The following MRPS5 variants were observed in gnomAD, a reference collection of about 807,000 sequenced individuals.
MRPS5 encodes the protein mitochondrial ribosomal protein S5, also known as small ribosomal subunit protein uS5m.
A neutral mutation model predicts 51.9 loss-of-function variants in MRPS5; 27 were observed. The ratio of observed to expected loss-of-function variants is 0.52; its 90% CI spans 0.38 to 0.72. MRPS5 has a LOEUF of 0.72. Ranked by LOEUF, MRPS5 falls within the 30% of genes least tolerant of loss-of-function variation. MRPS5 has a pLI of 0.00. For synonymous variants in MRPS5, 196 were observed against 193.2 expected (o/e 1.01, Z -0.12); for missense variants, 570 against 545.7 (o/e 1.04, Z -0.44).
intron 5 of MRPS5, among the ~76,000 whole-genome samples, chr2:95,107,083 T>C (rs1306688958): frequency 6.6e-6 from 1 of 152,188 alleles, no homozygotes; most frequent in Non-Finnish European, 1.5e-5. Flanking sequence ...TCAAAATATT[T>C]TTATCACAGA....
chr2:95,101,008 G>A lies in MRPS5; in HGVS notation c.811-114C>T. 5 of 847,684 alleles carry A rather than the reference G, an allele frequency of 5.9e-6. No individual in the cohort carries two copies. The South Asian group carries it at 8.4e-5, about 14-fold the overall frequency. 52.5% of individuals were successfully genotyped at this position (847,684 alleles called of 1,614,324 possible). A position where few individuals can be genotyped will look rare whatever the true frequency, so the allele number is the denominator to read the frequency against. ...TATCAAAAATTCACTTACGCAAAAA[G>A]GTTAGTATATACTTCTAAAATATAA... On this transcript the variant is annotated intron_variant, in intron 8 of 11. Transcript: ENST00000272418.
chr2:95,115,429 C>G (rs1333061616), intron 2 of MRPS5, among the ~76,000 whole-genome samples: 1 of 152,178 alleles, frequency 6.6e-6, no homozygotes, highest in African/African-American at 2.4e-5. Context: ...ACGGGGGCAG[C>G]TGGGTAAAGA....
At chr2:95,117,186 G>A (rs1676310194) in intron 2 of MRPS5, among the ~76,000 whole-genome samples, 1 of 151,514 alleles carries the variant, frequency 6.6e-6, no homozygotes, top group South Asian at 2.1e-4. Context: ...CCTCAAGGAG[G>A]GTTTTGTTTC....
chr2:95,100,203 T>A lies in MRPS5; in HGVS notation c.931+271A>T, dbSNP rs75731565. On this transcript the variant is annotated intron_variant, in intron 10 of 11. Transcript: ENST00000272418. ...CTAATGTTCCCACTCCTCCAAACCC[T>A]ACTACTCACTCAGGTGCTATTTCCC... Among the ~76,000 whole-genome samples, 295 of 152,318 alleles carry A rather than the reference T, an allele frequency of 1.9e-3. 3 individuals are homozygous for A. Among genetic ancestry groups the A allele is most frequent in the African/African-American group, 6.9e-3 (288 of 41,572 alleles).
At chr2:95,096,899 G>A (rs1483919776) in intron 10 of MRPS5, among the ~76,000 whole-genome samples, 2 of 152,166 alleles carry the variant, frequency 1.3e-5, no homozygotes, top group Non-Finnish European at 1.5e-5. Flanking sequence ...AAGTCAAATT[G>A]TCCCTGTTTG....
At position 95,121,786 on chromosome 2, in the gene MRPS5, C is replaced by CGCCATGCTGGAGTCCGA; in HGVS notation, c.-12_5dup (p.Thr3ArgfsTer33). 6.5e-7 allele frequency: 1 copy of CGCCATGCTGGAGTCCGA among 1,549,634 alleles called. No individual in the cohort carries two copies. Among genetic ancestry groups the CGCCATGCTGGAGTCCGA allele is most frequent in the Non-Finnish European group, 8.6e-7 (1 of 1,157,024 alleles). ...GGCAGCCCACAGCGCGCACCGCGGTCGCCATGCTGGAGTCCGAGCCGCGCC... is the reference window on the plus strand; with the variant it reads ...GGCAGCCCACAGCGCGCACCGCGGTCGCCATGCTGGAGTCCGAGCCATGCTGGAGTCCGAGCCGCGCC... On this transcript the variant is annotated frameshift_variant, in exon 1 of 12. Coordinates refer to ENST00000272418, the MANE Select transcript of MRPS5 (RefSeq NM_031902.5). LOFTEE classifies it high-confidence loss of function.
At chr2:95,090,556 A>G in intron 10 of MRPS5, 34 bp from the exon 11 acceptor site, 1 of 1,612,618 alleles carries the variant, frequency 6.2e-7, no homozygotes, top group Non-Finnish European at 8.5e-7. Context: ...AACACAGCCC[A>G]CTCGCCTGCA....
intron 10 of MRPS5, among the ~76,000 whole-genome samples, chr2:95,094,974 A>T (rs1273783576): frequency 1.3e-5 from 2 of 152,258 alleles, no homozygotes; most frequent in African/African-American, 4.8e-5. Flanking sequence ...TGCTGTATTC[A>T]GGAGACCCAT....
intron 3 of MRPS5, among the ~76,000 whole-genome samples, chr2:95,110,788 C>T (rs1244062113): frequency 6.6e-6 from 1 of 152,076 alleles, no homozygotes; most frequent in Non-Finnish European, 1.5e-5. Context: ...GAGTGAGACC[C>T]TGCCTTCAAA....
intron 10 of MRPS5, among the ~76,000 whole-genome samples, chr2:95,096,612 G>C (rs1257756421): frequency 1.3e-5 from 2 of 152,126 alleles, no homozygotes; most frequent in Admixed American, 1.3e-4. Context: ...AATAGATGCA[G>C]AAAAGGCCTT....
intron 6 of MRPS5, among the ~76,000 whole-genome samples, chr2:95,105,854 G>T (rs1675933546): frequency 6.6e-6 from 1 of 152,160 alleles, no homozygotes; most frequent in African/African-American, 2.4e-5. Flanking sequence ...CTCAATAAAT[G>T]GTTATTCCAC....
intron 4 of MRPS5, among the ~76,000 whole-genome samples, chr2:95,108,878 TAAAAAAGAAG>T (rs1676033269): frequency 6.6e-6 from 1 of 152,046 alleles, no homozygotes; most frequent in Non-Finnish European, 1.5e-5. Flanking sequence ...AAATTTTTTT[TAAAAAAGAAG>T]ATATCTATTT....
chr2:95,098,926 T>A (rs866984997), intron 10 of MRPS5, among the ~76,000 whole-genome samples: 1,961 of 149,000 alleles, frequency 0.013, 21 homozygotes, highest in East Asian at 0.02. Flanking sequence ...TTATTATTTT[T>A]TTTTTTTTTT....
chr2:95,105,635 T>A (rs1274444644), intron 6 of MRPS5, among the ~76,000 whole-genome samples: 1 of 152,006 alleles, frequency 6.6e-6, no homozygotes, highest in Non-Finnish European at 1.5e-5. Context: ...CTCTTCCCCA[T>A]AAAATGGGGT....
At chr2:95,097,279 G>C (rs1418325879) in intron 10 of MRPS5, among the ~76,000 whole-genome samples, 1 of 152,190 alleles carries the variant, frequency 6.6e-6, no homozygotes, top group Non-Finnish European at 1.5e-5. Context: ...GTAATTTACA[G>C]ATTCAATGCC....
In MRPS5 at chr2:95,115,143, A is replaced by C; in HGVS notation, c.200T>G (p.Leu67Arg). ...THPYASLSRA[L>R]QTQCCISSPS... ...AGAAGAAATACAGCATTGTGTCTGC[A>C]GTGCACGGCTCAAGCTGGCGTAGGG... The change falls in exon 3 of 12, where the codon CTG becomes CGG. Residue 67 changes from leucine to arginine, a missense_variant. By Grantham distance (102) the Leu-to-Arg change is moderately radical. Coordinates refer to ENST00000272418, the MANE Select transcript of MRPS5 (RefSeq NM_031902.5). The C allele has an allele frequency of 6.2e-7, 1 of 1,613,198 alleles. No homozygotes were observed. The highest frequency in any genetic ancestry group is 2.2e-5 in the East Asian group (1 of 44,866).
At chr2:95,092,415 C>G (rs945627381) in intron 10 of MRPS5, 1 of 152,202 alleles carries the variant, frequency 6.6e-6, no homozygotes, top group East Asian at 1.9e-4. Context: ...GGTGCCTTTC[C>G]TTAATCCAGT....
rs200730619 is a variant in MRPS5, at chr2:95,108,402, T to C, written c.410A>G (p.Tyr137Cys). 1.3e-4 allele frequency: 203 copies of C among 1,613,156 alleles called. 2 individuals are homozygous for C. The East Asian group carries it at 3.4e-3, about 27-fold the overall frequency. Residue 137 changes from tyrosine (Y) to cysteine (C), a missense_variant, in exon 5 of 12, where the codon TAT (tyrosine) becomes TGT (cysteine). Physicochemically the swap from Tyr to Cys is radical, Grantham distance 194 (BLOSUM62 -2). Transcript: ENST00000272418. ...ATTCAGTCCGGGCCATAGAAAACCA[T>C]AACGCCCTGAAGGTTTAAAAATATA... is the stretch of plus-strand genomic sequence containing the variant. ...NRGQIIGEGR[Y>C]GFLWPGLNVP...
chr2:95,121,585 C>T (rs761974356), intron 1 of MRPS5, 149 bp downstream of exon 1: 63 of 853,056 alleles, frequency 7.4e-5, no homozygotes, highest in Non-Finnish European at 9.9e-5. Context: ...CAAGGTCACA[C>T]AGCGGCTCCG....
Sources: gnomAD v4.1 joint callset for allele counts (sites outside exome capture counted in the v4.1 genomes callset) on GRCh38, gnomAD v4.1.1 for gene constraint, MANE v1.5 for transcripts, NCBI Gene and HGNC (gene_info 2026-07-23, HGNC 2026-07-21) for gene names.